PLEKHA6: variants seen among roughly 807,000 people sequenced by gnomAD.
The protein encoded by PLEKHA6 is pleckstrin homology domain containing A6.
PLEKHA6 carries 60 observed loss-of-function variants against 116.7 expected under a neutral mutation model. The ratio of observed to expected loss-of-function variants is 0.51; its 90% CI spans 0.42 to 0.64. The LOEUF (loss-of-function observed/expected upper bound fraction) is 0.64, where lower values mean the gene tolerates loss of function less well. PLEKHA6 is among the 30% of genes least tolerant of loss of function. The pLI is 0.00. For missense variants in PLEKHA6, 1,338 were observed against 1,422.7 expected, an observed-to-expected ratio of 0.94 and a Z score of 0.96; for synonymous variants, 489 against 556.1, an observed-to-expected ratio of 0.88 and a Z score of 1.70.
At chr1:204,267,946 T>G (rs1162204761) in intron 4 of PLEKHA6, among the ~76,000 whole-genome samples, 2 of 151,736 alleles carry the variant, frequency 1.3e-5, no homozygotes, top group African/African-American at 2.4e-5. Context: ...CCCATGGGGT[T>G]GGGGATTCAG....
intron 1 of PLEKHA6, among the ~76,000 whole-genome samples, chr1:204,343,451 C>T (rs1296204110): frequency 1.3e-5 from 2 of 152,250 alleles, no homozygotes; most frequent in Non-Finnish European, 2.9e-5. Flanking sequence ...AGGATTATAA[C>T]CGGGGTCACA....
At position 204,257,745 on chromosome 1, in the gene PLEKHA6, G is replaced by T. The variant is rs748297653; in HGVS notation, c.1132C>A (p.Pro378Thr). 1.9e-6 allele frequency: 3 copies of T among 1,613,488 alleles called. No individual in the cohort carries two copies. The highest frequency in any genetic ancestry group is 2.5e-6 in the Non-Finnish European group (3 of 1,179,780). ...GGCGGGCTGATCCGATCATAGGCCG[G>T]CATGGAACAGATGCTCTCCGGCCGC... is the stretch of plus-strand genomic sequence containing the variant. ...GVRPESICSMPAYDRISPPWA... is the reference protein window; with the variant it reads ...GVRPESICSMTAYDRISPPWA... The change falls in exon 9 of 23, where the codon CCG becomes ACG. Residue 378 changes from proline to threonine, a missense_variant. By Grantham distance (38) the Pro-to-Thr change is conservative. Coordinates refer to ENST00000272203, the MANE Select transcript of PLEKHA6 (RefSeq NM_014935.5). This position sits in a 1 kb window ranked among gnomAD's most constrained non-coding sequence, Gnocchi z 6.5.
intron 9 of PLEKHA6, 32 bp from the exon 10 acceptor site, chr1:204,250,646 G>A: frequency 6.7e-7 from 1 of 1,486,544 alleles, no homozygotes; most frequent in Non-Finnish European, 9.4e-7. Context: ...TACTGCAGCA[G>A]GGGCAGGATG....
chr1:204,293,195 C>T (rs1669948440), intron 1 of PLEKHA6, among the ~76,000 whole-genome samples: 1 of 152,172 alleles, frequency 6.6e-6, no homozygotes, highest in South Asian at 2.1e-4. Flanking sequence ...AGTGCAGTGG[C>T]GCGATCTTGG....
chr1:204,251,554 G>GGGA, intron 9 of PLEKHA6: 1 of 702,910 alleles, frequency 1.4e-6, no homozygotes, highest in Non-Finnish European at 2.6e-6. Context: ...TGGGACCTGG[G>GGGA]GGAGGAGTTT....
chr1:204,335,031 A>T (rs1672591839), intron 1 of PLEKHA6, among the ~76,000 whole-genome samples: 1 of 152,094 alleles, frequency 6.6e-6, no homozygotes, highest in South Asian at 2.1e-4. Context: ...GTCTAACTGA[A>T]ACTTTGTACC....
In PLEKHA6 at chr1:204,234,790, C is replaced by T. The variant is rs143702231; in HGVS notation, c.2410-4204G>A. ...TGAAAAGGAGAGACTGACCTAGCCA[C>T]CCAGCCTACATCTTTCTCCTGTGCT... is the stretch of plus-strand genomic sequence containing the variant. On this transcript the variant is annotated intron_variant, in intron 17 of 22. Coordinates refer to ENST00000272203, the MANE Select transcript of PLEKHA6 (RefSeq NM_014935.5). Among the ~76,000 whole-genome samples the T allele has an allele frequency of 6.3e-3, 956 of 151,570 alleles. 8 individuals are homozygous for T. Among genetic ancestry groups the T allele is most frequent in the African/African-American group, 0.022 (904 of 41,346 alleles).
At chr1:204,234,907 T>C (rs1256991420) in intron 17 of PLEKHA6, among the ~76,000 whole-genome samples, 1 of 145,456 alleles carries the variant, frequency 6.9e-6, no homozygotes, top group Non-Finnish European at 1.5e-5. Flanking sequence ...AGGCAGCCTA[T>C]TGTGGGACCT....
At chr1:204,242,797 T>C (rs12744138) in intron 15 of PLEKHA6, among the ~76,000 whole-genome samples, 26,265 of 152,116 alleles carry the variant, frequency 0.17, 2,507 homozygotes, top group East Asian at 0.32. Context: ...TCAGTCCCCA[T>C]TGGCTGGTCA....
rs369994942 is a variant in PLEKHA6 at position 204,297,861 on chromosome 1, A to G, written c.-94-23052T>C. 5.4e-5 allele frequency: 53 copies of G among 984,108 alleles called. 1 individual carries two copies. Among genetic ancestry groups the G allele is most frequent in the African/African-American group, 1.9e-4 (11 of 57,258 alleles). The allele number at this position is 984,108 out of a possible 1,614,324, so 61.0% of individuals were successfully genotyped here. On this transcript the variant is annotated intron_variant, in intron 1 of 22. Coordinates refer to ENST00000272203, the MANE Select transcript of PLEKHA6 (RefSeq NM_014935.5). Reference sequence around the variant, plus strand: ...GTTCTTTGCAGGTTTTGGTTGCCCAACCTCCACAAGGTCCATCAATGTGAG... The same window carrying G: ...GTTCTTTGCAGGTTTTGGTTGCCCAGCCTCCACAAGGTCCATCAATGTGAG...
chr1:204,377,895 C>T (rs918111932), upstream of PLEKHA6: 5 of 152,230 alleles, frequency 3.3e-5, no homozygotes, highest in Non-Finnish European at 5.9e-5. Flanking sequence ...AAGCGCTTAA[C>T]CCTGGCCGGC....
At chr1:204,260,053 C>G (rs1052537922) in intron 7 of PLEKHA6, among the ~76,000 whole-genome samples, 1 of 152,178 alleles carries the variant, frequency 6.6e-6, no homozygotes, top group Non-Finnish European at 1.5e-5. Context: ...AGCCTTCAAG[C>G]TATGGCATGA....
intron 1 of PLEKHA6, among the ~76,000 whole-genome samples, chr1:204,336,566 G>A (rs1441610686): frequency 8.5e-6 from 1 of 117,736 alleles, no homozygotes; most frequent in African/African-American, 4.9e-5. Context: ...GTGTGAGCGT[G>A]TGTGTGTGTG....
rs536205813 is a variant in PLEKHA6 at position 204,268,245 on chromosome 1, T to C, written c.170A>G (p.Asn57Ser). The change falls in exon 4 of 23, where the codon AAT becomes AGT. Residue 57 changes from asparagine (N) to serine (S), a missense_variant. This residue lies in a region of PLEKHA6 where 140 missense variants were observed against 197.4 expected (regional missense o/e 0.71). Transcript: ENST00000272203. ...KRSHSMKRNP[N>S]APVTKAGWLF... ...CCAGCCCGCCTTGGTGACAGGTGCA[T>C]TGGGGTTCCGCTTCATGGAGTGTGA... The C allele has an allele frequency of 6.8e-6, 11 of 1,612,586 alleles. No individual in the cohort carries two copies. The highest frequency in any genetic ancestry group is 1.7e-4 in the Middle Eastern group (1 of 6,058).
chr1:204,295,871 C>G (rs1670225471), intron 1 of PLEKHA6, among the ~76,000 whole-genome samples: 1 of 152,144 alleles, frequency 6.6e-6, no homozygotes, highest in Non-Finnish European at 1.5e-5. Context: ...CCAACACGAG[C>G]CTCCTGTGAC....
At chr1:204,360,289 C>T (rs1460759509), upstream of PLEKHA6, among the ~76,000 whole-genome samples, 1 of 149,324 alleles carries the variant, frequency 6.7e-6, no homozygotes, top group Non-Finnish European at 1.5e-5. Flanking sequence ...GCCTGGTGAT[C>T]ACCTTTCACC....
intron 1 of PLEKHA6, among the ~76,000 whole-genome samples, chr1:204,284,720 C>A (rs879413082): frequency 6.6e-6 from 1 of 151,820 alleles, no homozygotes; most frequent in Non-Finnish European, 1.5e-5. Flanking sequence ...GAATGGACAG[C>A]GTGTGGATTG....
At position 204,308,691 on chromosome 1, in the gene PLEKHA6, T is replaced by C. The variant is rs866221677; in HGVS notation, c.-94-33882A>G. On this transcript the variant is annotated intron_variant, in intron 1 of 22. Transcript: ENST00000272203. ...AAGGTAATTCTTTTTCTTTTTCTTT[T>C]TTTTTTTTTTTTTTTTTGAGACAGA... Among the ~76,000 whole-genome samples the C allele has an allele frequency of 2.2e-4, 21 of 96,012 alleles. 1 individual carries two copies. Among genetic ancestry groups the C allele is most frequent in the Admixed American group, 8.0e-4 (8 of 10,018 alleles). 63.0% of individuals were successfully genotyped at this position (96,012 alleles called of 152,430 possible).
At position 204,313,685 on chromosome 1, in the gene PLEKHA6, A is replaced by C. The variant is rs1220826055; in HGVS notation, c.-94-38876T>G. Reference sequence around the variant, plus strand: ...CCATCCTCAGGTGGCTGTCTTTGAGATTTTCACCTGACATTCTGCAGCTAA... The same window carrying C: ...CCATCCTCAGGTGGCTGTCTTTGAGCTTTTCACCTGACATTCTGCAGCTAA... On this transcript the variant is annotated intron_variant, in intron 1 of 22. Transcript: ENST00000272203. 3.0e-6 allele frequency: 3 copies of C among 985,070 alleles called. No individual in the cohort carries two copies. In the African/African-American group the frequency reaches 5.2e-5, roughly 17 times the overall value. The allele number at this position is 985,070 out of a possible 1,614,324, so 61.0% of individuals were successfully genotyped here.
Sources: allele counts gnomAD v4.1 joint callset (sites outside exome capture counted in the v4.1 genomes callset), GRCh38; gene constraint gnomAD v4.1.1; regional missense constraint gnomAD v4.1.1; non-coding constraint Gnocchi (gnomAD v3.1); transcripts MANE v1.5; gene names NCBI Gene and HGNC (gene_info 2026-07-23, HGNC 2026-07-21).